The following TMPRSS15 variants were observed in gnomAD, a reference collection of about 807,000 sequenced individuals.
The protein encoded by TMPRSS15 is enteropeptidase.
Under a neutral mutation model 125.3 loss-of-function variants are expected in TMPRSS15, and 128 were observed. The ratio of observed to expected loss-of-function variants is 1.02; its 90% CI spans 0.89 to 1.18. TMPRSS15 has a LOEUF of 1.18. TMPRSS15 is among the 50% of genes most tolerant of loss of function. TMPRSS15 has a pLI of 0.00. For missense variants in TMPRSS15, 1,283 were observed against 1,212.7 expected, an observed-to-expected ratio of 1.06 and a Z score of -0.86; for synonymous variants, 446 against 423.2, an observed-to-expected ratio of 1.05 and a Z score of -0.66.
intron 1 of TMPRSS15, among the ~76,000 whole-genome samples, chr21:18,440,420 C>CATCAATATAAA (rs2076238874): frequency 6.9e-6 from 1 of 145,380 alleles, no homozygotes; most frequent in South Asian, 2.2e-4. Flanking sequence ...TTTTCATTGG[C>CATCAATATAAA]ATCAATATAA....
intron 1 of TMPRSS15, among the ~76,000 whole-genome samples, chr21:18,452,514 A>G (rs1196593908): frequency 1.3e-5 from 2 of 152,192 alleles, no homozygotes; most frequent in Non-Finnish European, 2.9e-5. Context: ...AAATAAAAAA[A>G]TAATATCCGG....
chr21:18,484,522 A>T (rs947054105), intron 1 of TMPRSS15, among the ~76,000 whole-genome samples: 11 of 151,144 alleles, frequency 7.3e-5, no homozygotes, highest in Non-Finnish European at 1.5e-5. Context: ...CTTCTCTCTA[A>T]AAAAAAAATT....
intron 7 of TMPRSS15, among the ~76,000 whole-genome samples, chr21:18,360,257 T>A (rs1601388881): frequency 6.6e-6 from 1 of 152,318 alleles, no homozygotes; most frequent in East Asian, 1.9e-4. Context: ...TTCTATGTTG[T>A]ATGATATACA....
In TMPRSS15 at chr21:18,317,755, TTCCCATCCCATCCCA is replaced by T. The variant is rs748910194; in HGVS notation, c.1922-2514_1922-2500del. On this transcript the variant is annotated intron_variant, in intron 16 of 24. Transcript: ENST00000284885. ...ATTTGCTTTTACTCTGTTCTATTAT[TTCCCATCCCATCCCA>T]TCCCATCCCATCCCATCCCATCCCA... Among the ~76,000 whole-genome samples, 5 of 33,602 alleles carry T rather than the reference TTCCCATCCCATCCCA, an allele frequency of 1.5e-4. No individual in the cohort carries two copies. In the South Asian group the frequency reaches 2.5e-3, roughly 17 times the overall value. 22.0% of individuals were successfully genotyped at this position (33,602 alleles called of 152,430 possible).
intron 21 of TMPRSS15, among the ~76,000 whole-genome samples, chr21:18,293,440 C>G (rs764747150): frequency 1.3e-5 from 2 of 152,140 alleles, no homozygotes; most frequent in Non-Finnish European, 2.9e-5. Context: ...ACCTCACTGA[C>G]ATAGGGACAG....
At position 18,329,702 on chromosome 21, in the gene TMPRSS15, G is replaced by C. The variant is rs567389161; in HGVS notation, c.1655-408C>G. Among the ~76,000 whole-genome samples the C allele has an allele frequency of 2.7e-5, 4 of 150,532 alleles. No individual in the cohort carries two copies. In the South Asian group the frequency reaches 8.4e-4, roughly 32 times the overall value. ...TTAGGTAATTAAAATCCACTTTATA[G>C]GACAAGTAAGCTTTAATATTTATTT... On this transcript the variant is annotated intron_variant, in intron 14 of 24. Transcript: ENST00000284885.
intron 1 of TMPRSS15, among the ~76,000 whole-genome samples, chr21:18,402,291 G>A (rs1374612449): frequency 1.3e-5 from 2 of 152,054 alleles, no homozygotes; most frequent in Non-Finnish European, 2.9e-5. Context: ...CAGCATTTGG[G>A]GAGGCCGAGG....
At chr21:18,435,033 C>G (rs902810511) in intron 1 of TMPRSS15, among the ~76,000 whole-genome samples, 2 of 152,036 alleles carry the variant, frequency 1.3e-5, no homozygotes, top group African/African-American at 4.8e-5. Flanking sequence ...GTATTTATAT[C>G]CATCCTTTTA....
chr21:18,336,222 A>T (rs2075391372), intron 13 of TMPRSS15, among the ~76,000 whole-genome samples: 1 of 152,198 alleles, frequency 6.6e-6, no homozygotes, highest in South Asian at 2.1e-4. Flanking sequence ...TTAATTAAAG[A>T]TATTTATGGC....
intron 13 of TMPRSS15, among the ~76,000 whole-genome samples, chr21:18,336,346 A>AT (rs2075393071): frequency 6.6e-6 from 1 of 152,214 alleles, no homozygotes; most frequent in Non-Finnish European, 1.5e-5. Context: ...GTTTGAATAT[A>AT]TAAAAAGTGG....
At chr21:18,291,204 T>C (rs190932414) in intron 21 of TMPRSS15, among the ~76,000 whole-genome samples, 27 of 152,306 alleles carry the variant, frequency 1.8e-4, no homozygotes, top group Admixed American at 1.7e-3. Context: ...AACTTAGAGA[T>C]ACTAAGTTGC....
At chr21:18,352,579 A>G (rs1164319100) in intron 10 of TMPRSS15, among the ~76,000 whole-genome samples, 1 of 152,014 alleles carries the variant, frequency 6.6e-6, no homozygotes, top group African/African-American at 2.4e-5. Flanking sequence ...AAACTTCAGA[A>G]AAGCTAATTG....
At chr21:18,434,348 T>C (rs1180999404) in intron 1 of TMPRSS15, among the ~76,000 whole-genome samples, 1 of 152,192 alleles carries the variant, frequency 6.6e-6, no homozygotes, top group Non-Finnish European at 1.5e-5. Context: ...ATTTTTATAT[T>C]ATTGTTACTG....
In TMPRSS15 at chr21:18,431,704, T is replaced by C. The variant is rs1246904866; in HGVS notation, c.11-33375A>G. Among the ~76,000 whole-genome samples the C allele has an allele frequency of 1.3e-5, 2 of 152,274 alleles. 1 individual carries two copies. The highest frequency in any genetic ancestry group is 2.9e-5 in the Non-Finnish European group (2 of 67,998). ...GTTTAATTTAAAATGATTTCTCATA[T>C]GCATAAAATTTTTCTTACTAAAATT... On this transcript the variant is annotated intron_variant, in intron 1 of 7. Transcript: ENST00000422787.
chr21:18,366,244 A>T (rs970062366), intron 6 of TMPRSS15, among the ~76,000 whole-genome samples: 1 of 152,210 alleles, frequency 6.6e-6, no homozygotes, highest in Non-Finnish European at 1.5e-5. Context: ...AAAGATTAGA[A>T]TAAGGCCAGG....
At chr21:18,370,053 G>T (rs868062682) in intron 6 of TMPRSS15, among the ~76,000 whole-genome samples, 1 of 151,136 alleles carries the variant, frequency 6.6e-6, no homozygotes, top group African/African-American at 2.4e-5. Flanking sequence ...TGAAAGGCTG[G>T]TCACTACTAA....
At chr21:18,277,439 G>A (rs1196558001) in intron 23 of TMPRSS15, among the ~76,000 whole-genome samples, 2 of 152,268 alleles carry the variant, frequency 1.3e-5, no homozygotes, top group Non-Finnish European at 2.9e-5. Context: ...TCTGAAAAGA[G>A]AAAATATCTA....
rs142662013 is a variant in TMPRSS15, at chr21:18,332,172, C to T, written c.1566G>A (p.Thr522=). 57 of 1,613,542 alleles carry T rather than the reference C, an allele frequency of 3.5e-5. No individual in the cohort carries two copies. The East Asian group carries it at 6.7e-4, about 19-fold the overall frequency. The change falls in exon 14 of 25, where the codon ACG becomes ACA. Residue 522 remains threonine (T), a splice_region_variant and synonymous_variant. Coordinates refer to ENST00000284885, the MANE Select transcript of TMPRSS15 (RefSeq NM_002772.3). ...LVPTPPPELP[T]DCGGPFELWE... is the part of the protein sequence containing the mutation. Reference sequence around the variant, plus strand: ...ACAGCTCAAAAGGTCCTCCACAGTCCGCTGAAAAGGAAAGCAATGGGAAAT... The same window carrying T: ...ACAGCTCAAAAGGTCCTCCACAGTCTGCTGAAAAGGAAAGCAATGGGAAAT...
chr21:18,457,373 C>T (rs1476941204), intron 1 of TMPRSS15, among the ~76,000 whole-genome samples: 1 of 151,954 alleles, frequency 6.6e-6, no homozygotes, highest in Admixed American at 6.6e-5. Context: ...ACCCCAACTT[C>T]CTTGGGAGAA....
Sources: allele counts gnomAD v4.1 joint callset (sites outside exome capture counted in the v4.1 genomes callset), GRCh38; gene constraint gnomAD v4.1.1; transcripts MANE v1.5; gene names NCBI Gene and HGNC (gene_info 2026-07-23, HGNC 2026-07-21).